The following PYGL variants were observed in gnomAD, a reference collection of about 807,000 sequenced individuals.
The protein encoded by PYGL is glycogen phosphorylase L, also known as glycogen phosphorylase, liver form.
Under a neutral mutation model 100.1 loss-of-function variants are expected in PYGL, and 90 were observed. That is an observed-to-expected ratio of 0.90 (90% confidence interval 0.76 to 1.07). PYGL has a LOEUF of 1.07. Ranked by LOEUF, PYGL falls within the 50% of genes least tolerant of loss-of-function variation. PYGL has a pLI of 0.00. For missense variants in PYGL, 1,016 were observed against 1,057.6 expected (o/e 0.96, Z 0.55); for synonymous variants, 373 against 393.0 (o/e 0.95, Z 0.60).
At chr14:50,935,844 G>A (rs2050649595) in intron 2 of PYGL, among the ~76,000 whole-genome samples, 1 of 152,224 alleles carries the variant, frequency 6.6e-6, no homozygotes, top group Non-Finnish European at 1.5e-5. Flanking sequence ...CCTGGGTCCT[G>A]ACAGCAGGCA....
At position 50,908,210 on chromosome 14, in the gene PYGL, C is replaced by T. The variant is rs1462166386; in HGVS notation, c.2379+61G>A. On this transcript the variant is annotated intron_variant, in intron 19 of 19. Transcript: ENST00000216392. ...CTGATATTTGCATTTAATTAAAAAA[C>T]CCACATTTTAATGAATCATAGTAAA... is the stretch of plus-strand genomic sequence containing the variant. The T allele has an allele frequency of 2.9e-6, 4 of 1,363,150 alleles. No individual in the cohort carries two copies. In the African/African-American group the frequency reaches 4.4e-5, roughly 15 times the overall value. 84.4% of individuals were successfully genotyped at this position (1,363,150 alleles called of 1,614,324 possible).
At chr14:50,930,051 T>C (rs2050589173) in intron 4 of PYGL, among the ~76,000 whole-genome samples, 1 of 152,206 alleles carries the variant, frequency 6.6e-6, no homozygotes, top group South Asian at 2.1e-4. Context: ...GCTGAGGTTT[T>C]ATTACCCTTA....
intron 19 of PYGL, among the ~76,000 whole-genome samples, chr14:50,907,202 TC>T (rs1051783372): frequency 3.1e-4 from 47 of 152,298 alleles, no homozygotes; most frequent in African/African-American, 1.1e-3. Context: ...CCCTTTTTTT[TC>T]CCCTCAGTAT....
chr14:50,907,463 T>C (rs116861649), intron 19 of PYGL, among the ~76,000 whole-genome samples: 4,270 of 152,248 alleles, frequency 0.028, 91 homozygotes, highest in African/African-American at 0.058. Context: ...AATCTCTCAG[T>C]GCGGGGGCTG....
chr14:50,916,043 C>A, intron 9 of PYGL, 72 bp from the exon 10 acceptor site: 2 of 1,591,628 alleles, frequency 1.3e-6, no homozygotes, highest in Admixed American at 1.7e-5. Flanking sequence ...AACCCTTCTT[C>A]AACCCTGCCC....
intron 12 of PYGL, 107 bp from the exon 13 acceptor site, chr14:50,913,237 C>T (rs543462547): frequency 8.2e-6 from 7 of 856,944 alleles, no homozygotes; most frequent in African/African-American, 6.6e-5. Context: ...GTGTAGTTCA[C>T]GTATCACACA....
At chr14:50,905,635 C>T (rs1325504310) in intron 19 of PYGL, 79 bp from the exon 20 acceptor site, 5 of 1,345,154 alleles carry the variant, frequency 3.7e-6, no homozygotes, top group Non-Finnish European at 5.3e-6. Flanking sequence ...CAAGCACATC[C>T]AAACACATTT....
intron 2 of PYGL, among the ~76,000 whole-genome samples, chr14:50,936,722 T>C (rs1233063790): frequency 1.3e-5 from 2 of 150,668 alleles, no homozygotes; most frequent in Non-Finnish European, 1.5e-5. Context: ...GGCTGGGAGG[T>C]GGAGATTGCA....
Position 50,944,337 on chromosome 14 carries a change from C to T in PYGL, c.67G>A (p.Glu23Lys), listed in dbSNP as rs1416320401. 9 of 1,613,922 alleles carry T rather than the reference C, an allele frequency of 5.6e-6. No homozygotes were observed. The highest frequency in any genetic ancestry group is 7.6e-6 in the Non-Finnish European group (9 of 1,179,870). ...QISIRGIVGV[E>K]NVAELKKSFN... ...CTCTTCTTCAGCTCTGCCACGTTCT[C>T]CACGCCCACGATGCCGCGGATGCTG... The change falls in exon 1 of 20, where the codon GAG becomes AAG. Residue 23 changes from glutamate (E) to lysine (K), a missense_variant. Coordinates refer to ENST00000216392, the MANE Select transcript of PYGL (RefSeq NM_002863.5).
At chr14:50,923,584 A>T (rs2050520279) in intron 5 of PYGL, 1 of 200,268 alleles carries the variant, frequency 5.0e-6, no homozygotes. Flanking sequence ...CACTGCACCC[A>T]GCCAGGAATG....
In PYGL at chr14:50,914,707, T is replaced by C. The variant is rs1356623577; in HGVS notation, c.1512A>G (p.Ile504Met). ...CTCAGCACTTCCCAGTTACCTCTGC[T>C]ATGAGCTCTGCAAGTCCTGGGTTGC... is the stretch of plus-strand genomic sequence containing the variant. ...LLCNPGLAEL[I>M]AEKIGEDYVK... Residue 504 changes from isoleucine (I) to methionine (M), a missense_variant, in exon 12 of 20, where the codon ATA (isoleucine) becomes ATG (methionine). Transcript: ENST00000216392. 1.2e-6 allele frequency: 2 copies of C among 1,611,438 alleles called. No individual in the cohort carries two copies. Among genetic ancestry groups the C allele is most frequent in the African/African-American group, 2.7e-5 (2 of 74,846 alleles).
At chr14:50,930,820 G>A (rs956105992) in intron 4 of PYGL, among the ~76,000 whole-genome samples, 4 of 151,982 alleles carry the variant, frequency 2.6e-5, no homozygotes, top group Non-Finnish European at 5.9e-5. Flanking sequence ...TTCTGTCAAT[G>A]GTGTATGTAT....
chr14:50,937,661 G>A, intron 2 of PYGL, 75 bp downstream of exon 2: 1 of 1,376,668 alleles, frequency 7.3e-7, no homozygotes, highest in Non-Finnish European at 1.0e-6. Flanking sequence ...ATTTTTTTGT[G>A]CAATGTCCCC....
At chr14:50,921,205 A>C in intron 5 of PYGL, 138 bp from the exon 6 acceptor site, 1 of 692,448 alleles carries the variant, frequency 1.4e-6, no homozygotes, top group East Asian at 2.7e-5. Flanking sequence ...CTAAATGGAG[A>C]AGAGGGTCTC....
At chr14:50,932,514 C>A (rs764147035) in intron 3 of PYGL, among the ~76,000 whole-genome samples, 1 of 152,166 alleles carries the variant, frequency 6.6e-6, no homozygotes, top group Non-Finnish European at 1.5e-5. Flanking sequence ...AGGGGAAAGA[C>A]AAAAGGACCA....
intron 1 of PYGL, among the ~76,000 whole-genome samples, chr14:50,941,180 A>G (rs773466544): frequency 5.3e-5 from 8 of 152,236 alleles, no homozygotes; most frequent in Non-Finnish European, 1.0e-4. Context: ...ATGAGACGGG[A>G]TCATATACTC....
At position 50,905,483 on chromosome 14, in the gene PYGL, A is replaced by G; in HGVS notation, c.2453T>C (p.Ile818Thr). The G allele has an allele frequency of 6.2e-7, 1 of 1,613,912 alleles. No individual in the cohort carries two copies. Among genetic ancestry groups the G allele is most frequent in the East Asian group, 2.2e-5 (1 of 44,874 alleles). ...CCAGATGTTTTGGGCATATTCTTTAATTGTTCGGTCACTGGAGAATTTCCC... is the reference window on the plus strand; with the variant it reads ...CCAGATGTTTTGGGCATATTCTTTAGTTGTTCGGTCACTGGAGAATTTCCC... ...ASGKFSSDRT[I>T]KEYAQNIWNV... The change falls in exon 20 of 20, where the codon ATT becomes ACT. Residue 818 changes from isoleucine (I) to threonine (T), a missense_variant. By Grantham distance (89) the Ile-to-Thr change is moderately conservative. Coordinates refer to ENST00000216392, the MANE Select transcript of PYGL (RefSeq NM_002863.5).
chr14:50,910,894 A>G (rs997942606), intron 16 of PYGL, among the ~76,000 whole-genome samples: 1 of 152,210 alleles, frequency 6.6e-6, no homozygotes, highest in Non-Finnish European at 1.5e-5. Context: ...TGCCTGAAGC[A>G]CTTCCTTTGA....
chr14:50,924,145 T>A (rs771243206), intron 4 of PYGL, 45 bp from the exon 5 acceptor site: 5 of 1,593,102 alleles, frequency 3.1e-6, no homozygotes, highest in Non-Finnish European at 4.3e-6. Flanking sequence ...TGTCAGGAAA[T>A]ATGAACCTAG....
Sources: gnomAD v4.1 joint callset for allele counts (sites outside exome capture counted in the v4.1 genomes callset) on GRCh38, gnomAD v4.1.1 for gene constraint, MANE v1.5 for transcripts, NCBI Gene and HGNC (gene_info 2026-07-23, HGNC 2026-07-21) for gene names.